The following B3GALT1 variants were observed in gnomAD, a reference collection of about 807,000 sequenced individuals.
The protein encoded by B3GALT1 is UDP-Gal:betaGlcNAc beta 1,3-galactosyltransferase, polypeptide 1.
In B3GALT1, 10 loss-of-function variants were observed where a neutral mutation model predicts 23.2. The observed-to-expected ratio is 0.43, with a 90% CI of 0.27 to 0.73. The LOEUF (loss-of-function observed/expected upper bound fraction) is 0.73. B3GALT1 is among the 30% of genes least tolerant of loss of function. The probability of loss-of-function intolerance (pLI) is 0.21; values close to 1 mark genes in which losing one functional copy is unlikely to be tolerated. For synonymous variants in B3GALT1, 156 were observed against 141.5 expected (o/e 1.10, Z -0.73); for missense variants, 299 against 405.4 (o/e 0.74, Z 2.25).
chr2:167,564,416 C>T (rs903172744), intron 2 of B3GALT1, among the ~76,000 whole-genome samples: 67 of 146,736 alleles, frequency 4.6e-4, no homozygotes, highest in Middle Eastern at 7.6e-3. Flanking sequence ...ACATCCCAGA[C>T]GATGGGCGGC....
chr2:167,725,522 G>T (rs752708316), intron 3 of B3GALT1, among the ~76,000 whole-genome samples: 1 of 152,108 alleles, frequency 6.6e-6, no homozygotes, highest in Non-Finnish European at 1.5e-5. Flanking sequence ...TGTTCCTAAG[G>T]TATGTAAGTT....
chr2:167,566,567 AT>A (rs774844168), intron 2 of B3GALT1, among the ~76,000 whole-genome samples: 15,419 of 75,482 alleles, frequency 0.2, 1,659 homozygotes, highest in East Asian at 0.46. Flanking sequence ...AAAAGACAAA[AT>A]AAAAAAGAAT....
intron 1 of B3GALT1, among the ~76,000 whole-genome samples, chr2:167,373,297 C>G (rs1262598616): frequency 6.6e-6 from 1 of 151,682 alleles, no homozygotes; most frequent in Non-Finnish European, 1.5e-5. Context: ...AATATATTTA[C>G]AACTTTTTGG....
intron 1 of B3GALT1, among the ~76,000 whole-genome samples, chr2:167,364,430 TG>T (rs1697554613): frequency 1.3e-5 from 2 of 152,176 alleles, no homozygotes; most frequent in South Asian, 4.2e-4. Context: ...TGTGCCATGT[TG>T]GTGTGCTGCA....
chr2:167,611,171 T>C (rs1429099356), intron 2 of B3GALT1, among the ~76,000 whole-genome samples: 2 of 151,958 alleles, frequency 1.3e-5, no homozygotes, highest in East Asian at 1.9e-4. Flanking sequence ...AATCCTACTA[T>C]CGAGAACCAG....
At chr2:167,525,381 CATTT>C (rs1416597130) in intron 2 of B3GALT1, among the ~76,000 whole-genome samples, 4 of 151,900 alleles carry the variant, frequency 2.6e-5, no homozygotes, top group African/African-American at 4.8e-5. Flanking sequence ...GAACATTTCA[CATTT>C]ATTATTCTTT....
At chr2:167,528,700 CTT>C (rs1683265955) in intron 2 of B3GALT1, among the ~76,000 whole-genome samples, 1 of 152,292 alleles carries the variant, frequency 6.6e-6, no homozygotes, top group Non-Finnish European at 1.5e-5. Context: ...TAATTCTTCT[CTT>C]GTTAATGCAG....
intron 1 of B3GALT1, among the ~76,000 whole-genome samples, chr2:167,452,440 A>G (rs934217311): frequency 6.6e-6 from 1 of 152,018 alleles, no homozygotes; most frequent in Non-Finnish European, 1.5e-5. Flanking sequence ...GGTAATGTCA[A>G]ATCCTTCTCC....
intron 1 of B3GALT1, among the ~76,000 whole-genome samples, chr2:167,349,011 G>T (rs935149241): frequency 4.6e-5 from 7 of 152,072 alleles, no homozygotes; most frequent in African/African-American, 1.4e-4. Context: ...TTAGAAACTG[G>T]TCATGTTTCA....
chr2:167,432,061 A>T (rs373077900), intron 1 of B3GALT1, among the ~76,000 whole-genome samples: 1 of 152,194 alleles, frequency 6.6e-6, no homozygotes, highest in East Asian at 1.9e-4. Flanking sequence ...TGGGGGACAT[A>T]AGCCTTGCTG....
intron 3 of B3GALT1, among the ~76,000 whole-genome samples, chr2:167,731,500 T>C (rs1312804057): frequency 1.3e-5 from 2 of 152,230 alleles, no homozygotes; most frequent in Non-Finnish European, 2.9e-5. Flanking sequence ...GATTAGTCAC[T>C]TTGAGCCTTG....
At chr2:167,683,144 A>G (rs1055980348) in intron 3 of B3GALT1, among the ~76,000 whole-genome samples, 1 of 152,202 alleles carries the variant, frequency 6.6e-6, no homozygotes, top group Non-Finnish European at 1.5e-5. Context: ...CAGATTCCCT[A>G]AATACTTTAA....
chr2:167,814,223 C>A (rs1444287946), intron 3 of B3GALT1, among the ~76,000 whole-genome samples: 2 of 152,112 alleles, frequency 1.3e-5, no homozygotes, highest in Admixed American at 6.5e-5. Flanking sequence ...AACTCTGTCA[C>A]TTGGGCTTTG....
intron 1 of B3GALT1, among the ~76,000 whole-genome samples, chr2:167,360,144 A>G (rs1035281428): frequency 2.5e-4 from 38 of 152,296 alleles, no homozygotes; most frequent in African/African-American, 8.4e-4. Context: ...TTAAAGTATT[A>G]CATATGGGAA....
intron 4 of B3GALT1, among the ~76,000 whole-genome samples, chr2:167,823,429 T>C (rs1574282477): frequency 6.6e-6 from 1 of 152,184 alleles, no homozygotes; most frequent in East Asian, 1.9e-4. Context: ...ATGGAGCAGA[T>C]GGTCATTAAA....
intron 3 of B3GALT1, among the ~76,000 whole-genome samples, chr2:167,726,816 C>T (rs552011944): frequency 1.3e-5 from 2 of 152,322 alleles, no homozygotes; most frequent in South Asian, 4.1e-4. Flanking sequence ...CTGAAATAAC[C>T]TCAAGCATCC....
At chr2:167,303,610 C>T (rs1696492667) in intron 1 of B3GALT1, among the ~76,000 whole-genome samples, 1 of 150,400 alleles carries the variant, frequency 6.6e-6, no homozygotes, top group South Asian at 2.1e-4. Flanking sequence ...TGAGTTGAGA[C>T]ATCTGTTTTC....
intron 2 of B3GALT1, among the ~76,000 whole-genome samples, chr2:167,525,589 T>C (rs1683206032): frequency 6.6e-6 from 1 of 152,004 alleles, no homozygotes; most frequent in African/African-American, 2.4e-5. Context: ...TTGCTCAGAT[T>C]CTTTCAGATG....
chr2:167,552,958 A>G (rs930076560), intron 2 of B3GALT1, among the ~76,000 whole-genome samples: 1 of 152,026 alleles, frequency 6.6e-6, no homozygotes. Context: ...TGATTCCTTA[A>G]TAGGAGTTTT....
Sources: allele counts gnomAD v4.1 joint callset (sites outside exome capture counted in the v4.1 genomes callset), GRCh38; gene constraint gnomAD v4.1.1; transcripts MANE v1.5; gene names NCBI Gene and HGNC (gene_info 2026-07-23, HGNC 2026-07-21).